The following CCDC149 variants were observed in gnomAD, a reference collection of about 807,000 sequenced individuals.
CCDC149 encodes coiled-coil domain containing 149.
A neutral mutation model predicts 59.9 loss-of-function variants in CCDC149; 45 were observed. The observed-to-expected ratio is 0.75, with a 90% CI of 0.59 to 0.96. The LOEUF (loss-of-function observed/expected upper bound fraction) is 0.96, where lower values mean the gene tolerates loss of function less well. CCDC149 is among the 40% of genes least tolerant of loss of function. The probability of loss-of-function intolerance (pLI) is 0.00; values close to 1 mark genes in which losing one functional copy is unlikely to be tolerated. For synonymous variants in CCDC149, 245 were observed against 260.6 expected (o/e 0.94, Z 0.58); for missense variants, 584 against 664.7 (o/e 0.88, Z 1.33).
At chr4:24,858,427 G>A (rs1214038372) in intron 3 of CCDC149, among the ~76,000 whole-genome samples, 1 of 152,184 alleles carries the variant, frequency 6.6e-6, no homozygotes, top group East Asian at 1.9e-4. Flanking sequence ...GATCAAGCGA[G>A]AGCCAACATT....
intron 1 of CCDC149, among the ~76,000 whole-genome samples, chr4:24,956,039 T>G (rs1723455405): frequency 6.6e-6 from 1 of 152,182 alleles, no homozygotes; most frequent in South Asian, 2.1e-4. Context: ...AACGCATATA[T>G]TAGACTCTAG....
chr4:24,861,449 A>G (rs1321374598), intron 3 of CCDC149, among the ~76,000 whole-genome samples: 1 of 152,190 alleles, frequency 6.6e-6, no homozygotes, highest in African/African-American at 2.4e-5. Context: ...ACACAAAGGC[A>G]TAAGAATGAA....
chr4:24,806,060 G>A (rs1177077050), downstream of CCDC149: 2 of 152,176 alleles, frequency 1.3e-5, no homozygotes, highest in Admixed American at 1.3e-4. Flanking sequence ...TGAAGTAGGG[G>A]ACAGAATGCC....
chr4:24,945,415 G>A (rs988619076), intron 1 of CCDC149, among the ~76,000 whole-genome samples: 1 of 152,074 alleles, frequency 6.6e-6, no homozygotes, highest in Admixed American at 6.6e-5. Flanking sequence ...AGATTGGAGC[G>A]ATGCATCTCT....
intron 4 of CCDC149, among the ~76,000 whole-genome samples, chr4:24,844,405 G>A (rs1717138572): frequency 6.6e-6 from 1 of 152,162 alleles, no homozygotes. Flanking sequence ...GTTGGCACAT[G>A]GCTCTGAGGC....
At chr4:24,884,898 A>G (rs963936072) in intron 1 of CCDC149, among the ~76,000 whole-genome samples, 1 of 152,198 alleles carries the variant, frequency 6.6e-6, no homozygotes, top group Admixed American at 6.5e-5. Context: ...TTGGAGGACA[A>G]TGTGGTATTT....
At chr4:24,884,971 C>T (rs916132965) in intron 1 of CCDC149, among the ~76,000 whole-genome samples, 29 of 152,032 alleles carry the variant, frequency 1.9e-4, no homozygotes, top group Non-Finnish European at 1.6e-4. Flanking sequence ...GGAGCTGTGA[C>T]AAGTGGCAGT....
In CCDC149 at chr4:24,831,780, C is replaced by T. The variant is rs1331364508; in HGVS notation, c.821-130G>A. On this transcript the variant is annotated intron_variant, in intron 8 of 12. Coordinates refer to ENST00000635206, the MANE Select transcript of CCDC149 (RefSeq NM_001330643.2). ...AATGCTACTATGTTGTATTGAGAGTCCACCTCAAGTGTCAACAAAACAAAG... is the reference window on the plus strand; with the variant it reads ...AATGCTACTATGTTGTATTGAGAGTTCACCTCAAGTGTCAACAAAACAAAG... 18 of 737,494 alleles carry T rather than the reference C, an allele frequency of 2.4e-5. No homozygotes were observed. The East Asian group carries it at 4.8e-4, about 20-fold the overall frequency. 45.7% of individuals were successfully genotyped at this position (737,494 alleles called of 1,614,324 possible).
chr4:24,850,677 C>G (rs994380646), intron 4 of CCDC149, among the ~76,000 whole-genome samples: 1 of 152,088 alleles, frequency 6.6e-6, no homozygotes, highest in Non-Finnish European at 1.5e-5. Flanking sequence ...GGAGGTAGAA[C>G]TGAATGCAGA....
intron 3 of CCDC149, among the ~76,000 whole-genome samples, chr4:24,870,431 T>G (rs1384037266): frequency 6.6e-6 from 1 of 152,196 alleles, no homozygotes; most frequent in Non-Finnish European, 1.5e-5. Flanking sequence ...ATTTGTCACT[T>G]GCACCCTGAA....
downstream of CCDC149, among the ~76,000 whole-genome samples, chr4:24,804,315 AC>A (rs1368148113): frequency 6.6e-6 from 1 of 151,830 alleles, no homozygotes; most frequent in East Asian, 1.9e-4. Flanking sequence ...ACATAGTGAA[AC>A]CCCGTCTCTA....
intron 1 of CCDC149, among the ~76,000 whole-genome samples, chr4:24,918,529 G>C (rs748167697): frequency 2.0e-5 from 3 of 152,098 alleles, no homozygotes; most frequent in Non-Finnish European, 2.9e-5. Context: ...CACAGTAGGA[G>C]AATTGCCTCC....
chr4:24,975,346 A>G (rs1370139348), intron 1 of CCDC149, among the ~76,000 whole-genome samples: 2 of 115,084 alleles, frequency 1.7e-5, no homozygotes, highest in Non-Finnish European at 3.5e-5. Flanking sequence ...GGGGAAGGAG[A>G]GGGAGGGGAG....
intron 3 of CCDC149, among the ~76,000 whole-genome samples, chr4:24,855,640 C>CAAT (rs1717959614): frequency 1.4e-4 from 1 of 7,002 alleles, no homozygotes; most frequent in Non-Finnish European, 3.1e-4. Context: ...TGGATTTAAT[C>CAAT]AAGCCCTGAT....
chr4:24,850,357 G>A (rs1372727867), intron 4 of CCDC149, among the ~76,000 whole-genome samples: 1 of 152,194 alleles, frequency 6.6e-6, no homozygotes, highest in African/African-American at 2.4e-5. Context: ...GTGAGAAGCA[G>A]AGGGGCAGAG....
Position 24,898,758 on chromosome 4 carries a change from C to T in CCDC149, c.63+14059G>A, listed in dbSNP as rs2602742. Among the ~76,000 whole-genome samples, 282 of 152,258 alleles carry T rather than the reference C, an allele frequency of 1.9e-3. 1 individual carries two copies. Among genetic ancestry groups the T allele is most frequent in the Non-Finnish European group, 3.4e-3 (234 of 68,016 alleles). ...ATGCAATGTACCACTCATTGCCCAA[C>T]CTCTTGGGGCCCAAGAGAAGTGGGA... On this transcript the variant is annotated intron_variant, in intron 1 of 12. Transcript: ENST00000635206.
At chr4:24,911,607 G>A (rs1721874638) in intron 1 of CCDC149, among the ~76,000 whole-genome samples, 4 of 152,212 alleles carry the variant, frequency 2.6e-5, no homozygotes, top group African/African-American at 9.6e-5. Context: ...AGTTTGAGAA[G>A]ATGGAGCCAG....
At chr4:24,958,753 C>T (rs962342291) in intron 1 of CCDC149, among the ~76,000 whole-genome samples, 1 of 152,106 alleles carries the variant, frequency 6.6e-6, no homozygotes, top group East Asian at 1.9e-4. Flanking sequence ...AAAAAAAAGC[C>T]AGGTGCGGTG....
chr4:24,910,207 T>C (rs1721795655), intron 1 of CCDC149, among the ~76,000 whole-genome samples: 1 of 152,220 alleles, frequency 6.6e-6, no homozygotes, highest in Non-Finnish European at 1.5e-5. Flanking sequence ...ACCTTTGTCT[T>C]CACATGGTCT....
Sources: allele counts gnomAD v4.1 joint callset (sites outside exome capture counted in the v4.1 genomes callset), GRCh38; gene constraint gnomAD v4.1.1; transcripts MANE v1.5; gene names NCBI Gene and HGNC (gene_info 2026-07-23, HGNC 2026-07-21).